NKAIN2: variants seen among roughly 807,000 people sequenced by gnomAD.
NKAIN2 encodes sodium/potassium-transporting ATPase subunit beta-1-interacting protein 2.
Under a neutral mutation model 32.6 loss-of-function variants are expected in NKAIN2, and 14 were observed. The ratio of observed to expected loss-of-function variants is 0.43; its 90% CI spans 0.28 to 0.67. NKAIN2 has a LOEUF of 0.67. Ranked by LOEUF, NKAIN2 falls within the 30% of genes least tolerant of loss-of-function variation. The pLI is 0.17. For synonymous variants in NKAIN2, 80 were observed against 87.2 expected (o/e 0.92, Z 0.46); for missense variants, 198 against 258.3 (o/e 0.77, Z 1.60).
intron 3 of NKAIN2, among the ~76,000 whole-genome samples, chr6:124,423,877 A>T (rs1774862523): frequency 6.6e-6 from 1 of 152,216 alleles, no homozygotes; most frequent in South Asian, 2.1e-4. Flanking sequence ...TAAAACTGTG[A>T]CAAATAATTT....
intron 4 of NKAIN2, among the ~76,000 whole-genome samples, chr6:124,701,139 A>C (rs1562331900): frequency 8.3e-6 from 1 of 120,710 alleles, no homozygotes; most frequent in African/African-American, 3.4e-5. Flanking sequence ...GGAGAGAGAT[A>C]CACACACACA....
intron 4 of NKAIN2, among the ~76,000 whole-genome samples, chr6:124,699,896 AG>A (rs1435652719): frequency 2.0e-5 from 3 of 152,206 alleles, no homozygotes; most frequent in African/African-American, 7.2e-5. Context: ...TCTGATGGGA[AG>A]GGTGGCAAGA....
At chr6:124,108,764 T>C (rs761935606) in intron 1 of NKAIN2, among the ~76,000 whole-genome samples, 15 of 152,162 alleles carry the variant, frequency 9.9e-5, no homozygotes, top group Non-Finnish European at 1.3e-4. Flanking sequence ...ATGTGGATAC[T>C]AGTTTTCCTA....
At chr6:124,212,006 C>T (rs923932062) in intron 1 of NKAIN2, among the ~76,000 whole-genome samples, 1 of 151,906 alleles carries the variant, frequency 6.6e-6, no homozygotes, top group African/African-American at 2.4e-5. Flanking sequence ...TTAGTTTAAC[C>T]TTGCTTTGTG....
intron 3 of NKAIN2, among the ~76,000 whole-genome samples, chr6:124,526,172 G>T (rs1186283258): frequency 6.6e-6 from 1 of 152,074 alleles, no homozygotes; most frequent in South Asian, 2.1e-4. Flanking sequence ...ATATGAATGA[G>T]ATCAACAAAA....
intron 3 of NKAIN2, among the ~76,000 whole-genome samples, chr6:124,624,415 C>T (rs1380584214): frequency 6.6e-6 from 1 of 152,016 alleles, no homozygotes; most frequent in Admixed American, 6.6e-5. Context: ...CTTCTGAGAC[C>T]CTTTGTGGCT....
chr6:124,500,376 C>T (rs773678223), intron 3 of NKAIN2, among the ~76,000 whole-genome samples: 19 of 151,750 alleles, frequency 1.3e-4, no homozygotes, highest in Non-Finnish European at 5.9e-5. Context: ...TGGCCAGGTG[C>T]GGTGGCTCGT....
chr6:124,624,958 A>C (rs1034993423), intron 3 of NKAIN2, among the ~76,000 whole-genome samples: 1 of 152,160 alleles, frequency 6.6e-6, no homozygotes, highest in Admixed American at 6.6e-5. Flanking sequence ...CCAACTTTCT[A>C]ATCTTCTAGC....
At chr6:124,625,950 A>ATTATTATTATACT (rs1783313609) in intron 3 of NKAIN2, among the ~76,000 whole-genome samples, 1 of 151,224 alleles carries the variant, frequency 6.6e-6, no homozygotes, top group Non-Finnish European at 1.5e-5. Context: ...TAAAAATTTT[A>ATTATTATTATACT]TTATTATTAT....
chr6:124,687,029 TC>T (rs1015522254), intron 4 of NKAIN2, among the ~76,000 whole-genome samples: 4 of 151,936 alleles, frequency 2.6e-5, no homozygotes, highest in Non-Finnish European at 5.9e-5. Context: ...GACTCCAAGT[TC>T]TTCAGGTTTG....
rs183447108 is a variant in NKAIN2 at position 123,901,491 on chromosome 6, T to G, written c.54+97237T>G. Among the ~76,000 whole-genome samples, 15 of 152,310 alleles carry G rather than the reference T, an allele frequency of 9.8e-5. No homozygotes were observed. In the Middle Eastern group the frequency reaches 0.01, roughly 104 times the overall value. On this transcript the variant is annotated intron_variant, in intron 1 of 6. Transcript: ENST00000368417. The stretch of plus-strand genomic sequence containing the variant: ...TATACCAAGCGTTTCCTTTGCTTTT[T>G]GTTTGTTTCCCTTTAATTTCAACAT...
intron 1 of NKAIN2, among the ~76,000 whole-genome samples, chr6:123,965,580 T>C (rs1342015996): frequency 6.6e-6 from 1 of 152,144 alleles, no homozygotes; most frequent in African/African-American, 2.4e-5. Flanking sequence ...CCTACTCATA[T>C]CCTGCGATCT....
chr6:124,258,169 A>G (rs1364789617), intron 1 of NKAIN2, among the ~76,000 whole-genome samples: 2 of 151,904 alleles, frequency 1.3e-5, no homozygotes, highest in African/African-American at 4.8e-5. Context: ...TGAGGTATAG[A>G]CAGAGGAATT....
At chr6:124,659,063 T>C (rs550710095) in intron 4 of NKAIN2, 1 of 152,192 alleles carries the variant, frequency 6.6e-6, no homozygotes, top group African/African-American at 2.4e-5. Context: ...TTTAACATTG[T>C]ATTACTATGA....
chr6:124,071,170 C>A lies in NKAIN2; in HGVS notation c.55-211835C>A, dbSNP rs78839036. ...CAGTAATAAAGCCATAATCTACAGG[C>A]CTCTGATCTTTGAGAAAGTCAACAA... On this transcript the variant is annotated intron_variant, in intron 1 of 6. Transcript: ENST00000368417. 2.6e-5 allele frequency among the ~76,000 whole-genome samples: 4 copies of A among 152,198 alleles called. No individual in the cohort carries two copies. The East Asian group carries it at 5.8e-4, about 22-fold the overall frequency.
At chr6:124,564,492 C>A (rs1025500536) in intron 3 of NKAIN2, among the ~76,000 whole-genome samples, 1 of 152,110 alleles carries the variant, frequency 6.6e-6, no homozygotes, top group African/African-American at 2.4e-5. Flanking sequence ...CCAACCCCCC[C>A]CTCCCCCACC....
At chr6:124,491,116 C>G (rs544611595) in intron 3 of NKAIN2, among the ~76,000 whole-genome samples, 1 of 151,724 alleles carries the variant, frequency 6.6e-6, no homozygotes, top group Admixed American at 6.6e-5. Flanking sequence ...GAATTACACA[C>G]CTGCATTCTA....
chr6:124,727,162 A>G (rs1776369846), intron 4 of NKAIN2, among the ~76,000 whole-genome samples: 1 of 151,572 alleles, frequency 6.6e-6, no homozygotes, highest in African/African-American at 2.4e-5. Flanking sequence ...AACTTCCCCA[A>G]TCTAGCAAGG....
intron 1 of NKAIN2, among the ~76,000 whole-genome samples, chr6:123,876,360 T>C (rs1773170333): frequency 6.6e-6 from 1 of 152,228 alleles, no homozygotes; most frequent in South Asian, 2.1e-4. Context: ...ATTTTTGCTT[T>C]AACCAGCTTT....
Sources: gnomAD v4.1 joint callset for allele counts (sites outside exome capture counted in the v4.1 genomes callset) on GRCh38, gnomAD v4.1.1 for gene constraint, MANE v1.5 for transcripts, NCBI Gene and HGNC (gene_info 2026-07-23, HGNC 2026-07-21) for gene names.